The following ANO1 variants were observed in gnomAD, a reference collection of about 807,000 sequenced individuals.
ANO1 encodes the protein anoctamin 1.
ANO1 carries 59 observed loss-of-function variants against 124.0 expected under a neutral mutation model. The observed-to-expected ratio is 0.48, with a 90% confidence interval of 0.39 to 0.59. ANO1 has a LOEUF of 0.59. ANO1 is among the 20% of genes least tolerant of loss of function. The probability of loss-of-function intolerance (pLI) is 0.00; values close to 1 mark genes in which losing one functional copy is unlikely to be tolerated. For synonymous variants in ANO1, 529 were observed against 532.0 expected (o/e 0.99, Z 0.08); for missense variants, 1,059 against 1,328.0 (o/e 0.80, Z 3.15).
At chr11:70,091,848 G>A (rs927109084) in intron 2 of ANO1, among the ~76,000 whole-genome samples, 15 of 152,214 alleles carry the variant, frequency 9.9e-5, no homozygotes, top group African/African-American at 3.6e-4. Context: ...GAGTCGGGAG[G>A]TTCATTGTGT....
At chr11:70,069,917 G>A (rs1000068150) in intron 1 of ANO1, among the ~76,000 whole-genome samples, 14 of 151,500 alleles carry the variant, frequency 9.2e-5, no homozygotes, top group East Asian at 1.9e-4. Flanking sequence ...ATGAGTTGTC[G>A]TATGTGTATG....
chr11:70,039,557 C>CACCTCCCCTTCCACAGGTGGTAGTCCT (rs1555004812), intron 1 of ANO1, among the ~76,000 whole-genome samples: 2,694 of 151,760 alleles, frequency 0.018, 98 homozygotes, highest in East Asian at 0.15. Context: ...TTTCTAGTCC[C>CACCTCCCCTTCCACAGGTGGTAGTCCT]ACCTCCCCTT....
intron 5 of ANO1, 120 bp downstream of exon 5, chr11:70,105,908 A>C (rs1300786989): frequency 2.8e-6 from 3 of 1,072,540 alleles, no homozygotes; most frequent in Non-Finnish European, 2.8e-6. Flanking sequence ...TCTGTGACAG[A>C]AATAATTAGA....
intron 24 of ANO1, among the ~76,000 whole-genome samples, chr11:70,184,886 AC>A (rs2049051413): frequency 6.6e-6 from 1 of 152,076 alleles, no homozygotes; most frequent in South Asian, 2.1e-4. Flanking sequence ...AGCTGGGAAT[AC>A]AGGCGTGCAC....
chr11:70,128,515 G>A (rs2515272), intron 10 of ANO1, among the ~76,000 whole-genome samples: 116,421 of 152,212 alleles, frequency 0.76, 44,647 homozygotes, highest in East Asian at 0.83. Flanking sequence ...ATGCCAGCTC[G>A]GCCCTTCCAC....
In ANO1 at chr11:70,170,962, T is replaced by A. The variant is rs373512747; in HGVS notation, c.2273T>A (p.Ile758Asn). The A allele has an allele frequency of 1.2e-6, 2 of 1,613,208 alleles. No homozygotes were observed. Among genetic ancestry groups the A allele is most frequent in the Non-Finnish European group, 1.7e-6 (2 of 1,179,690 alleles). Residue 758 changes from isoleucine to asparagine, a missense_variant, in exon 22 of 26, where the codon ATC becomes AAC. Physicochemically the swap from Ile to Asn is moderately radical, Grantham distance 149. Transcript: ENST00000355303. ...CCACTGTTTGCGCTGCTGAACAACA[T>A]CATCGAGATCCGCCTGGACGCCAAA... is the stretch of plus-strand genomic sequence containing the variant. ...LAPLFALLNN[I>N]IEIRLDAKKF... is the part of the protein sequence containing the mutation.
intron 10 of ANO1, 103 bp downstream of exon 10, chr11:70,126,298 C>T: frequency 7.2e-7 from 1 of 1,397,884 alleles, no homozygotes; most frequent in Non-Finnish European, 9.6e-7. Flanking sequence ...CACACCAATT[C>T]CTGTACACAT....
chr11:70,094,175 C>G (rs540361798), intron 2 of ANO1, among the ~76,000 whole-genome samples: 1 of 152,324 alleles, frequency 6.6e-6, no homozygotes, highest in East Asian at 1.9e-4. Context: ...CTGCTCCTGC[C>G]AGAGGGGAAC....
At chr11:70,179,613 C>G (rs2048859413) in intron 22 of ANO1, among the ~76,000 whole-genome samples, 1 of 152,238 alleles carries the variant, frequency 6.6e-6, no homozygotes, top group East Asian at 1.9e-4. Context: ...CTGGCCTATC[C>G]CTAAATACAG....
intron 1 of ANO1, among the ~76,000 whole-genome samples, chr11:70,070,415 G>A (rs1857842031): frequency 6.6e-6 from 1 of 152,218 alleles, no homozygotes; most frequent in Admixed American, 6.5e-5. Flanking sequence ...GCTGGGCACA[G>A]TGGCTCACAC....
At chr11:70,001,691 A>G (rs371423453) in intron 1 of ANO1, among the ~76,000 whole-genome samples, 1 of 152,218 alleles carries the variant, frequency 6.6e-6, no homozygotes. Context: ...TGCTGGGTGC[A>G]TGGGCATGTG....
rs761915622 is a variant in ANO1, at chr11:70,156,947, A to G, written c.1504A>G (p.Thr502Ala). 1.2e-6 allele frequency: 2 copies of G among 1,613,470 alleles called. No individual in the cohort carries two copies. Among genetic ancestry groups the G allele is most frequent in the Non-Finnish European group, 1.7e-6 (2 of 1,179,676 alleles). The stretch of plus-strand genomic sequence containing the variant: ...TGACCGGCATTGTTTTGTGTTGTAG[A>G]CTGACAAAGTGAAGCTGACATGGAG... ...VKTAMAGVKL[T>A]DKVKLTWRDR... Residue 502 changes from threonine to alanine, a missense_variant and splice_region_variant, in exon 16 of 26, where the codon ACT (threonine) becomes GCT (alanine). Thr to Ala is a moderately conservative substitution (Grantham distance 58). Transcript: ENST00000355303.
intron 1 of ANO1, among the ~76,000 whole-genome samples, chr11:70,019,044 C>T (rs1354919555): frequency 6.6e-6 from 1 of 152,224 alleles, no homozygotes; most frequent in Non-Finnish European, 1.5e-5. Context: ...CGGAGGGGGG[C>T]CTGTCCTCAC....
intron 19 of ANO1, among the ~76,000 whole-genome samples, chr11:70,164,769 T>G (rs908527788): frequency 6.6e-6 from 1 of 152,160 alleles, no homozygotes; most frequent in African/African-American, 2.4e-5. Context: ...GGCTGCTGCC[T>G]CCTGTGGGGC....
chr11:70,069,972 C>T (rs782608779), intron 1 of ANO1, among the ~76,000 whole-genome samples: 28 of 152,152 alleles, frequency 1.8e-4, no homozygotes, highest in Admixed American at 6.5e-4. Context: ...CTATATGACA[C>T]GGATCTTTGG....
At chr11:69,994,247 T>A (rs1041188730) in intron 1 of ANO1, among the ~76,000 whole-genome samples, 1 of 152,204 alleles carries the variant, frequency 6.6e-6, no homozygotes, top group African/African-American at 2.4e-5. Flanking sequence ...TGTTTCATTT[T>A]TGTGCTATAT....
At chr11:70,152,698 C>T (rs79055035) in intron 13 of ANO1, among the ~76,000 whole-genome samples, 121 of 152,342 alleles carry the variant, frequency 7.9e-4, no homozygotes, top group African/African-American at 2.8e-3. Context: ...CTGCGCTTGC[C>T]GACAGTTACT....
At chr11:70,148,749 C>A (rs200226938) in intron 11 of ANO1, among the ~76,000 whole-genome samples, 1 of 152,188 alleles carries the variant, frequency 6.6e-6, no homozygotes, top group Non-Finnish European at 1.5e-5. Context: ...GGTGCCCACT[C>A]GAGCACCTGT....
chr11:70,094,446 G>A (rs965430788), intron 2 of ANO1, among the ~76,000 whole-genome samples: 1 of 152,224 alleles, frequency 6.6e-6, no homozygotes, highest in African/African-American at 2.4e-5. Flanking sequence ...GAGAATCGGG[G>A]GTGGGGGCCT....
Sources: gnomAD v4.1 joint callset for allele counts (sites outside exome capture counted in the v4.1 genomes callset) on GRCh38, gnomAD v4.1.1 for gene constraint, MANE v1.5 for transcripts, NCBI Gene and HGNC (gene_info 2026-07-23, HGNC 2026-07-21) for gene names.